The following ARMCX4 variants were observed in gnomAD, a reference collection of about 807,000 sequenced individuals.
The protein encoded by ARMCX4 is armadillo repeat-containing X-linked protein 4.
ARMCX4 carries 3 observed loss-of-function variants against 34.7 expected under a neutral mutation model. The ratio of observed to expected loss-of-function variants is 0.09; its 90% CI spans 0.04 to 0.22. The LOEUF is 0.22. Among genes scored for constraint, ARMCX4 ranks in the 10% least tolerant of loss-of-function variants. The pLI, the probability that ARMCX4 is intolerant of heterozygous loss-of-function variation, is 1.00. For synonymous variants in ARMCX4, 513 were observed against 632.8 expected, an observed-to-expected ratio of 0.81 and a Z score of 2.84; for missense variants, 1,448 against 1,720.8, an observed-to-expected ratio of 0.84 and a Z score of 2.81.
chrX:101,486,484 G>C (rs1327269156), intron 2 of ARMCX4, among the ~76,000 whole-genome samples: 2 of 110,628 alleles, frequency 1.8e-5, no homozygotes, highest in Non-Finnish European at 3.8e-5. Flanking sequence ...GTGGACAGCA[G>C]TAGGTTGTGG....
At chrX:101,501,229 C>A (rs1196246215) in intron 7 of ARMCX4, among the ~76,000 whole-genome samples, 1 of 112,472 alleles carries the variant, frequency 8.9e-6, no homozygotes, top group African/African-American at 3.2e-5. Flanking sequence ...TATAGCAGAA[C>A]AAGGCCCTAT....
At chrX:101,458,767 G>A (rs78294786) in intron 4 of ARMCX4, among the ~76,000 whole-genome samples, 7,127 of 111,521 alleles carry the variant, frequency 0.064, 221 homozygotes, top group South Asian at 0.28. Context: ...GATTACAGGC[G>A]TAAGCCACTG....
chrX:101,471,696 C>G (rs909590737), intron 4 of ARMCX4, among the ~76,000 whole-genome samples: 7 of 111,407 alleles, frequency 6.3e-5, no homozygotes, highest in East Asian at 2.8e-4. Context: ...AGCAGGGGCA[C>G]ACTGACACCT....
intron 4 of ARMCX4, among the ~76,000 whole-genome samples, chrX:101,461,374 C>T (rs1932600110): frequency 8.9e-6 from 1 of 112,035 alleles, no homozygotes; most frequent in Non-Finnish European, 1.9e-5. Context: ...TTTTCAGAGT[C>T]AGCATGTAAC....
intron 2 of ARMCX4, among the ~76,000 whole-genome samples, chrX:101,424,491 G>A (rs1555990602): frequency 8.9e-6 from 1 of 111,770 alleles, no homozygotes; most frequent in African/African-American, 3.3e-5. Flanking sequence ...GTGGAGAGCA[G>A]TCTTGTGAGC....
At chrX:101,436,059 G>A (rs1238784044) in intron 2 of ARMCX4, among the ~76,000 whole-genome samples, 4 of 111,323 alleles carry the variant, frequency 3.6e-5, no homozygotes, top group Middle Eastern at 4.6e-3. Flanking sequence ...TTGTAGCATC[G>A]CTTGAAGTCA....
intron 11 of ARMCX4, among the ~76,000 whole-genome samples, chrX:101,521,162 C>T (rs996217352): frequency 3.7e-4 from 41 of 110,523 alleles, no homozygotes; most frequent in Non-Finnish European, 4.5e-4. Context: ...AAACTCCTGA[C>T]CTCAGGTGAT....
intron 7 of ARMCX4, among the ~76,000 whole-genome samples, chrX:101,504,432 T>C: frequency 1.9e-5 from 1 of 51,354 alleles, no homozygotes; most frequent in East Asian, 4.0e-4. Context: ...CTTTAATAAG[T>C]TTGTGTGTGT....
At chrX:101,436,963 G>A (rs1418405737) in intron 2 of ARMCX4, among the ~76,000 whole-genome samples, 2 of 112,002 alleles carry the variant, frequency 1.8e-5, no homozygotes, top group Non-Finnish European at 3.8e-5. Context: ...ATTTGCGTAT[G>A]TTGAACCAGC....
At chrX:101,423,654 C>A (rs782320156) in intron 2 of ARMCX4, among the ~76,000 whole-genome samples, 105 of 110,023 alleles carry the variant, frequency 9.5e-4, no homozygotes, top group Non-Finnish European at 1.7e-3. Context: ...AAAAAAGTAT[C>A]TTTTGCATGC....
chrX:101,503,793 A>G (rs1934371066), intron 7 of ARMCX4, among the ~76,000 whole-genome samples: 1 of 111,023 alleles, frequency 9.0e-6, no homozygotes, highest in African/African-American at 3.3e-5. Context: ...TAGTTGAATT[A>G]GATCCCATTT....
chrX:101,437,453 A>C (rs1187351384), intron 2 of ARMCX4, among the ~76,000 whole-genome samples: 4 of 111,797 alleles, frequency 3.6e-5, no homozygotes, highest in African/African-American at 1.3e-4. Context: ...ATAGTATTCT[A>C]TGCTGGTAAT....
chrX:101,432,466 G>C (rs1331207386), intron 2 of ARMCX4, among the ~76,000 whole-genome samples: 1 of 110,678 alleles, frequency 9.0e-6, no homozygotes, highest in African/African-American at 3.3e-5. Context: ...TTCAAGTCTA[G>C]TCTGACCAAT....
intron 2 of ARMCX4, 122 bp from the exon 3 acceptor site, chrX:101,487,071 T>TTTA (rs1354350723): frequency 2.8e-5 from 3 of 106,210 alleles, no homozygotes; most frequent in African/African-American, 1.0e-4. Context: ...TTTTTTTTTT[T>TTTA]TTTTTCTGCC....
chrX:101,507,107 A>T (rs1339678885), intron 8 of ARMCX4, among the ~76,000 whole-genome samples: 2 of 111,150 alleles, frequency 1.8e-5, no homozygotes, highest in Non-Finnish European at 3.8e-5. Context: ...CTCCCAATAT[A>T]TTGTTGTTGT....
intron 4 of ARMCX4, among the ~76,000 whole-genome samples, chrX:101,472,718 G>C (rs1436260690): frequency 8.1e-5 from 7 of 86,866 alleles, no homozygotes; most frequent in African/African-American, 2.4e-4. Context: ...AACTTCATAA[G>C]TGAAGGAGAA....
chrX:101,520,693 T>C (rs2147714475), intron 11 of ARMCX4, among the ~76,000 whole-genome samples: 1 of 111,354 alleles, frequency 9.0e-6, no homozygotes, highest in East Asian at 2.8e-4. Context: ...TTATAAGTTA[T>C]ATTGGTTAGA....
chrX:101,465,969 A>G (rs978864114), intron 4 of ARMCX4, among the ~76,000 whole-genome samples: 4 of 112,072 alleles, frequency 3.6e-5, no homozygotes, highest in Admixed American at 1.9e-4. Flanking sequence ...TTGGTAGGAC[A>G]CAAATAGGAC....
intron 7 of ARMCX4, among the ~76,000 whole-genome samples, chrX:101,504,615 G>A (rs1934401628): frequency 9.0e-6 from 1 of 111,021 alleles, no homozygotes; most frequent in Non-Finnish European, 1.9e-5. Context: ...TGGTCTTATA[G>A]TCAGTTCTGG....
Sources: gnomAD v4.1 joint callset for allele counts (sites outside exome capture counted in the v4.1 genomes callset) on GRCh38, gnomAD v4.1.1 for gene constraint, MANE v1.5 for transcripts, NCBI Gene and HGNC (gene_info 2026-07-23, HGNC 2026-07-21) for gene names.